HNRNPA2B1: variants seen among roughly 807,000 people sequenced by gnomAD.
The protein encoded by HNRNPA2B1 is heterogeneous nuclear ribonucleoproteins A2/B1.
Under a neutral mutation model 46.3 loss-of-function variants are expected in HNRNPA2B1, and 3 were observed. The observed-to-expected ratio is 0.06, with a 90% CI of 0.03 to 0.17. The LOEUF (loss-of-function observed/expected upper bound fraction) is 0.17, where lower values mean the gene tolerates loss of function less well. Ranked by LOEUF, HNRNPA2B1 falls within the 10% of genes least tolerant of loss-of-function variation. The pLI is 1.00. For missense variants in HNRNPA2B1, 221 were observed against 418.9 expected, an observed-to-expected ratio of 0.53 and a Z score of 4.12; for synonymous variants, 225 against 133.8, an observed-to-expected ratio of 1.68 and a Z score of -4.70.
intron 7 of HNRNPA2B1, 32 bp from the exon 8 acceptor site, chr7:26,193,726 TA>T (rs1314117488): frequency 6.3e-7 from 1 of 1,582,756 alleles, no homozygotes; most frequent in South Asian, 1.1e-5. Context: ...AGTAATCACT[TA>T]ATATTTTCAA....
intron 7 of HNRNPA2B1, 28 bp downstream of exon 7, chr7:26,195,819 A>C (rs868633402): frequency 1.2e-6 from 2 of 1,604,370 alleles, no homozygotes; most frequent in African/African-American, 2.7e-5. Context: ...AGTCACATAA[A>C]CAAACCAAAA....
intron 1 of HNRNPA2B1, chr7:26,199,406 A>C (rs1784080662): frequency 6.6e-6 from 1 of 152,276 alleles, no homozygotes; most frequent in Admixed American, 6.5e-5. Flanking sequence ...TTTGCACATC[A>C]ATCCATACGC....
chr7:26,198,028 TAA>T lies in HNRNPA2B1; in HGVS notation c.7-298_7-297del, dbSNP rs199985423. On this transcript the variant is annotated intron_variant, in intron 1 of 10. Transcript: ENST00000618183. The stretch of plus-strand genomic sequence containing the variant: ...CATTAAATTATCTTAAATTATTAAT[TAA>T]AAAAAAAACTTTCTAAGGAAAAATA... 0.035 allele frequency: 14,324 copies of T among 412,464 alleles called. 286 individuals carry two copies. The highest frequency in any genetic ancestry group is 0.064 in the Middle Eastern group (103 of 1,618). The allele number at this position is 412,464 out of a possible 1,614,324, so 25.6% of individuals were successfully genotyped here. A position where few individuals can be genotyped will look rare whatever the true frequency, so the allele number is the denominator to read the frequency against.
intron 6 of HNRNPA2B1, 99 bp downstream of exon 6, chr7:26,196,302 T>G: frequency 1.0e-6 from 1 of 972,530 alleles, no homozygotes; most frequent in Non-Finnish European, 1.5e-6. Context: ...CTTAGGAAAA[T>G]TGACTTAGGT....
chr7:26,199,676 G>C (rs1197348995), intron 1 of HNRNPA2B1: 1 of 152,096 alleles, frequency 6.6e-6, no homozygotes, highest in Non-Finnish European at 1.5e-5. Context: ...GTGGCCGATG[G>C]CTTCCAATTT....
Position 26,190,564 on chromosome 7 carries a change from G to A in HNRNPA2B1, c.*1796C>T, listed in dbSNP as rs1463366720. ...TTAGGATCAAAGAAGACTCATTGGT[G>A]TATAGAGTAAGCCCTGAGTATCACA... On this transcript the variant is annotated 3_prime_UTR_variant, in exon 11 of 11. Transcript: ENST00000618183. 1 of 152,226 alleles carries A rather than the reference G, an allele frequency of 6.6e-6. No individual in the cohort carries two copies. Among genetic ancestry groups the A allele is most frequent in the Non-Finnish European group, 1.5e-5 (1 of 68,018 alleles). 9.4% of individuals were successfully genotyped at this position (152,226 alleles called of 1,614,324 possible). A position where few individuals can be genotyped will look rare whatever the true frequency, so the allele number is the denominator to read the frequency against.
At chr7:26,195,157 ACTTGTAGTTAAATACAAGAACTCAGCT>A (rs1783414350) in intron 7 of HNRNPA2B1, among the ~76,000 whole-genome samples, 1 of 151,524 alleles carries the variant, frequency 6.6e-6, no homozygotes, top group African/African-American at 2.4e-5. Context: ...TGAGTCTCTA[ACTTGTAGTTAAATACAAGAACTCAGCT>A]TCCTCTAAAA....
intron 1 of HNRNPA2B1, chr7:26,199,388 A>G (rs1340182853): frequency 6.6e-6 from 1 of 152,294 alleles, no homozygotes; most frequent in Non-Finnish European, 1.5e-5. Context: ...GCCCAGGCCC[A>G]AAACAGTTTT....
intron 6 of HNRNPA2B1, 103 bp from the exon 7 acceptor site, chr7:26,196,012 C>T (rs1333735062): frequency 6.9e-7 from 1 of 1,442,206 alleles, no homozygotes; most frequent in East Asian, 2.5e-5. Flanking sequence ...TAATTAAGAA[C>T]CGCAGAAAAG....
intron 6 of HNRNPA2B1, among the ~76,000 whole-genome samples, chr7:26,196,193 T>C (rs750654237): frequency 1.3e-5 from 2 of 152,224 alleles, no homozygotes; most frequent in Admixed American, 6.5e-5. Flanking sequence ...TCATGTTACA[T>C]TATTAATCCA....
At position 26,192,661 on chromosome 7, in the gene HNRNPA2B1, T is replaced by C. The variant is rs973422606; in HGVS notation, c.965-84A>G. The C allele has an allele frequency of 1.1e-4, 120 of 1,107,066 alleles. No homozygotes were observed. In the Admixed American group the frequency reaches 2.0e-3, roughly 19 times the overall value. 68.6% of individuals were successfully genotyped at this position (1,107,066 alleles called of 1,614,324 possible). A position where few individuals can be genotyped will look rare whatever the true frequency, so the allele number is the denominator to read the frequency against. ...TAACACTACAGTTGATTCTATTTTA[T>C]ATCCATCCAGTCTTTTAAACAAGCA... is the stretch of plus-strand genomic sequence containing the variant. On this transcript the variant is annotated intron_variant, in intron 9 of 10. Coordinates refer to ENST00000618183, the MANE Select transcript of HNRNPA2B1 (RefSeq NM_002137.4).
At chr7:26,200,372 C>T (rs1371697746) in intron 1 of HNRNPA2B1, 200 bp downstream of exon 1, 1 of 645,870 alleles carries the variant, frequency 1.5e-6, no homozygotes, top group Non-Finnish European at 2.8e-6. Context: ...GGAAATGGCG[C>T]CGGGAGGCTG....
At chr7:26,198,722 G>A (rs994481734) in intron 1 of HNRNPA2B1, 8 of 152,310 alleles carry the variant, frequency 5.3e-5, no homozygotes, top group African/African-American at 1.9e-4. Context: ...AAGTTAACTA[G>A]GTTAAAAAAC....
In HNRNPA2B1 at chr7:26,190,231, C is replaced by G. The variant is rs1444228666; in HGVS notation, c.*2129G>C. ...AAACATGATACATTTATCTCTCTAG[C>G]CAATTTGATGTTACTGTTTTACAAA... On this transcript the variant is annotated 3_prime_UTR_variant, in exon 11 of 11. Coordinates refer to ENST00000618183, the MANE Select transcript of HNRNPA2B1 (RefSeq NM_002137.4). The G allele has an allele frequency of 6.6e-6, 1 of 152,584 alleles. No homozygotes were observed. The highest frequency in any genetic ancestry group is 1.5e-5 in the Non-Finnish European group (1 of 68,016). The allele number at this position is 152,584 out of a possible 1,614,324, so 9.5% of individuals were successfully genotyped here.
intron 1 of HNRNPA2B1, chr7:26,199,113 A>T (rs1382276730): frequency 6.6e-6 from 1 of 152,438 alleles, no homozygotes; most frequent in Non-Finnish European, 1.5e-5. Context: ...GTTATCTCTA[A>T]ACTGAAATTA....
At chr7:26,198,845 A>T (rs949773916) in intron 1 of HNRNPA2B1, 1 of 152,242 alleles carries the variant, frequency 6.6e-6, no homozygotes, top group Non-Finnish European at 1.5e-5. Flanking sequence ...AAGCAGCATT[A>T]ATTGCTGCTC....
At position 26,193,257 on chromosome 7, in the gene HNRNPA2B1, C is replaced by T. The variant is rs1783117624; in HGVS notation, c.958G>A (p.Gly320Ser). 2.5e-6 allele frequency: 4 copies of T among 1,612,562 alleles called. No homozygotes were observed. Among genetic ancestry groups the T allele is most frequent in the Non-Finnish European group, 3.4e-6 (4 of 1,179,440 alleles). ...GGSRNMGGPY[G>S]GGNYGPGGSG... The stretch of plus-strand genomic sequence containing the variant: ...CTCAATTTTTATAAATTACCTCCAC[C>T]ATATGGTCCCCCCATGTTCCTGCTA... The change falls in exon 9 of 11, where the codon GGT (glycine) becomes AGT (serine). Residue 320 changes from glycine to serine, a missense_variant. Gly to Ser is a moderately conservative substitution (Grantham distance 56). Coordinates refer to ENST00000618183, the MANE Select transcript of HNRNPA2B1 (RefSeq NM_002137.4).
rs1478557446 is a variant in HNRNPA2B1, at chr7:26,192,566, G to C, written c.976C>G (p.Pro326Ala). Residue 326 changes from proline to alanine, a missense_variant, in exon 10 of 11, where the codon CCA (proline) becomes GCA (alanine). By Grantham distance (27) the Pro-to-Ala change is conservative (BLOSUM62 -1). Transcript: ENST00000618183. The part of the protein sequence containing the change: ...GGPYGGGNYG[P>A]GGSGGSGGYG... ...CCCCCACTTCCTCCACTGCCTCCTG[G>C]ACCATAGTTTCCTATAATTGTTGGA... 2 of 1,613,846 alleles carry C rather than the reference G, an allele frequency of 1.2e-6. No homozygotes were observed. Among genetic ancestry groups the C allele is most frequent in the Admixed American group, 1.7e-5 (1 of 60,018 alleles).
Position 26,196,700 on chromosome 7 carries a change from A to G in HNRNPA2B1, c.476-42T>C, listed in dbSNP as rs117452181. On this transcript the variant is annotated intron_variant, in intron 4 of 10. Coordinates refer to ENST00000618183, the MANE Select transcript of HNRNPA2B1 (RefSeq NM_002137.4). ...AGACTCCTTTTAAATTAAATCAACAATATTAAGCAGCTTCAAAAGTTTACC... is the reference window on the plus strand; with the variant it reads ...AGACTCCTTTTAAATTAAATCAACAGTATTAAGCAGCTTCAAAAGTTTACC... 11,747 of 1,577,410 alleles carry G rather than the reference A, an allele frequency of 7.4e-3. 62 individuals carry two copies. The highest frequency in any genetic ancestry group is 9.2e-3 in the Non-Finnish European group (10,592 of 1,149,854).
Sources: allele counts gnomAD v4.1 joint callset (sites outside exome capture counted in the v4.1 genomes callset), GRCh38; gene constraint gnomAD v4.1.1; transcripts MANE v1.5; gene names NCBI Gene and HGNC (gene_info 2026-07-23, HGNC 2026-07-21).